The following FANCD2 variants were observed in gnomAD, a reference collection of about 807,000 sequenced individuals.
FANCD2 encodes the protein FA complementation group D2.
In FANCD2, 131 loss-of-function variants were observed where a neutral mutation model predicts 192.3. The observed-to-expected ratio is 0.68, with a 90% CI of 0.59 to 0.79. FANCD2 has a LOEUF of 0.79. FANCD2 is among the 30% of genes least tolerant of loss of function. FANCD2 has a pLI of 0.00. For missense variants in FANCD2, 1,508 were observed against 1,701.6 expected (o/e 0.89, Z 2.00); for synonymous variants, 524 against 612.5 (o/e 0.86, Z 2.13).
chr3:10,078,697 C>T (rs919005601), intron 30 of FANCD2, among the ~76,000 whole-genome samples: 1 of 150,868 alleles, frequency 6.6e-6, no homozygotes, highest in African/African-American at 2.4e-5. Context: ...GGCGTGGTGG[C>T]TCACGCCTGT....
chr3:10,043,900 G>A (rs2086931185), intron 14 of FANCD2, 36 bp downstream of exon 14: 2 of 1,517,168 alleles, frequency 1.3e-6, no homozygotes, highest in Non-Finnish European at 1.8e-6. Context: ...CAGTATTGCA[G>A]ACTTAAAAGT....
chr3:10,079,690 C>T (rs1260317714), intron 30 of FANCD2, among the ~76,000 whole-genome samples: 1 of 152,156 alleles, frequency 6.6e-6, no homozygotes, highest in Non-Finnish European at 1.5e-5. Flanking sequence ...ATTTTGGTTT[C>T]AACAGCCTCC....
At chr3:10,088,700 C>A (rs937744739) in intron 35 of FANCD2, 128 bp from the exon 36 acceptor site, 30 of 1,154,826 alleles carry the variant, frequency 2.6e-5, no homozygotes, top group Non-Finnish European at 9.1e-6. Flanking sequence ...ATCTTAAGAT[C>A]CTCTGGTTCT....
chr3:10,046,454 G>A, intron 14 of FANCD2, 126 bp from the exon 15 acceptor site: 1 of 1,485,668 alleles, frequency 6.7e-7, no homozygotes. Flanking sequence ...ACTCCCAGGG[G>A]AGTGTGTGGA....
At chr3:10,072,138 G>A (rs1027388747) in intron 26 of FANCD2, among the ~76,000 whole-genome samples, 4 of 152,082 alleles carry the variant, frequency 2.6e-5, no homozygotes, top group Non-Finnish European at 5.9e-5. Flanking sequence ...AACTAAAATA[G>A]TATAATTGGA....
rs997433056 is a variant in FANCD2, at chr3:10,095,249, T to C, written c.4013T>C (p.Leu1338Pro). The C allele has an allele frequency of 6.2e-7, 1 of 1,614,030 alleles. No homozygotes were observed. The highest frequency in any genetic ancestry group is 1.3e-5 in the African/African-American group (1 of 74,944). ...ACCTTCCAGTTGGACACAAGGCTGC[T>C]TCATCACCTGTGTGGGCATTCCAAG... ...LETFQLDTRL[L>P]HHLCGHSKIH... The change falls in exon 41 of 44, where the codon CTT (leucine) becomes CCT (proline). Residue 1338 changes from leucine (L) to proline (P), a missense_variant. Around this residue, in one of 5 missense-constraint regions of FANCD2, gnomAD observed 796 missense variants for 879.4 expected, o/e 0.91. Coordinates refer to ENST00000675286, the MANE Select transcript of FANCD2 (RefSeq NM_001018115.3).
intron 32 of FANCD2, among the ~76,000 whole-genome samples, chr3:10,084,447 G>A (rs1240911930): frequency 6.6e-6 from 1 of 151,674 alleles, no homozygotes; most frequent in Non-Finnish European, 1.5e-5. Flanking sequence ...GTACCACCAT[G>A]CCCAGCTGAT....
At chr3:10,056,229 A>G (rs1047792162) in intron 18 of FANCD2, among the ~76,000 whole-genome samples, 5 of 152,168 alleles carry the variant, frequency 3.3e-5, no homozygotes, top group African/African-American at 1.2e-4. Flanking sequence ...CCATTGATGG[A>G]CACTTGGGTT....
At chr3:10,067,788 A>G (rs1234251777) in intron 26 of FANCD2, among the ~76,000 whole-genome samples, 1 of 152,054 alleles carries the variant, frequency 6.6e-6, no homozygotes, top group African/African-American at 2.4e-5. Context: ...ACAGAGCGAG[A>G]CTCCCATCTC....
chr3:10,031,297 A>G (rs1383377128), intron 2 of FANCD2, among the ~76,000 whole-genome samples: 1 of 152,064 alleles, frequency 6.6e-6, no homozygotes, highest in Admixed American at 6.6e-5. Flanking sequence ...AGGTCAGGAG[A>G]TTGAGACCAT....
intron 2 of FANCD2, among the ~76,000 whole-genome samples, chr3:10,030,293 C>T (rs2086560944): frequency 6.6e-6 from 1 of 151,412 alleles, no homozygotes; most frequent in Non-Finnish European, 1.5e-5. Context: ...GAAGGGGTTT[C>T]ACCGTGTTAG....
rs374542781 is a variant in FANCD2 at position 10,076,356 on chromosome 3, G to A, written c.2859+1683G>A. Among the ~76,000 whole-genome samples, 148 of 151,472 alleles carry A rather than the reference G, an allele frequency of 9.8e-4. 2 individuals carry two copies. In the South Asian group the frequency reaches 0.029, roughly 30 times the overall value. ...TTAAATCACAGGATATTTAGGAAAC[G>A]CATCTTGGATCCACAACTAGAAAGG... On this transcript the variant is annotated intron_variant, in intron 29 of 43. Coordinates refer to ENST00000675286, the MANE Select transcript of FANCD2 (RefSeq NM_001018115.3).
At chr3:10,063,326 A>T (rs2087621362) in intron 20 of FANCD2, among the ~76,000 whole-genome samples, 2 of 152,066 alleles carry the variant, frequency 1.3e-5, no homozygotes, top group South Asian at 4.1e-4. Context: ...AGTCCCAGCT[A>T]CTCAGGAGGC....
At position 10,070,035 on chromosome 3, in the gene FANCD2, A is replaced by AC. The variant is rs566747571; in HGVS notation, c.2494+2721dup. ...AAGTGAGGAGCGTCTCTGCCCGGCC[A>AC]CCCATCGTCTGAGATGTGGGGAGCG... is the stretch of plus-strand genomic sequence containing the variant. On this transcript the variant is annotated intron_variant, in intron 26 of 43. Transcript: ENST00000675286. Among the ~76,000 whole-genome samples, 581 of 130,812 alleles carry AC rather than the reference A, an allele frequency of 4.4e-3. 5 individuals carry two copies. The highest frequency in any genetic ancestry group is 8.9e-3 in the Middle Eastern group (2 of 224). The allele number at this position is 130,812 out of a possible 152,430, so 85.8% of individuals were successfully genotyped here.
At chr3:10,054,037 C>T (rs1387790490) in intron 18 of FANCD2, among the ~76,000 whole-genome samples, 1 of 151,762 alleles carries the variant, frequency 6.6e-6, no homozygotes. Flanking sequence ...ATGGTGAAAC[C>T]CCATCTCTAC....
intron 42 of FANCD2, among the ~76,000 whole-genome samples, 179 bp from the exon 43 acceptor site, chr3:10,098,541 G>A (rs544961451): frequency 3.3e-5 from 5 of 152,252 alleles, no homozygotes; most frequent in Non-Finnish European, 7.4e-5. Flanking sequence ...AGACATCTCA[G>A]AAACCTGGAG....
intron 26 of FANCD2, among the ~76,000 whole-genome samples, chr3:10,070,788 A>G (rs990607831): frequency 1.4e-5 from 2 of 147,868 alleles, no homozygotes; most frequent in Non-Finnish European, 3.0e-5. Flanking sequence ...GTACTAAGAT[A>G]AATTCTTCTG....
At chr3:10,050,684 A>C (rs1297869794) in intron 17 of FANCD2, among the ~76,000 whole-genome samples, 1 of 151,832 alleles carries the variant, frequency 6.6e-6, no homozygotes, top group Non-Finnish European at 1.5e-5. Flanking sequence ...GTTAAAGTTT[A>C]AGTGGCAGAT....
At chr3:10,087,783 G>A (rs530311832) in intron 34 of FANCD2, among the ~76,000 whole-genome samples, 2 of 152,056 alleles carry the variant, frequency 1.3e-5, no homozygotes, top group South Asian at 4.2e-4. Flanking sequence ...CAAGTAGCTG[G>A]GATTACAGGT....
Sources: allele counts gnomAD v4.1 joint callset (sites outside exome capture counted in the v4.1 genomes callset), GRCh38; gene constraint gnomAD v4.1.1; regional missense constraint gnomAD v4.1.1; transcripts MANE v1.5; gene names NCBI Gene and HGNC (gene_info 2026-07-23, HGNC 2026-07-21).